Variants in RHOQ observed in about 807,000 individuals in gnomAD.
RHOQ encodes ras homolog family member Q, also known as rho-related GTP-binding protein RhoQ.
RHOQ carries 7 observed loss-of-function variants against 25.8 expected under a neutral mutation model. The ratio of observed to expected loss-of-function variants is 0.27; its 90% CI spans 0.15 to 0.51. The LOEUF is 0.51. RHOQ is among the 20% of genes least tolerant of loss of function. RHOQ has a pLI of 0.97. For missense variants in RHOQ, 165 were observed against 260.6 expected (o/e 0.63, Z 2.53); for synonymous variants, 97 against 98.6 (o/e 0.98, Z 0.10).
chr2:46,581,050 A>C lies in RHOQ; in HGVS notation c.585A>C (p.Gly195=), dbSNP rs1669347882. 3 of 1,573,144 alleles carry C rather than the reference A, an allele frequency of 1.9e-6. No homozygotes were observed. The African/African-American group carries it at 4.1e-5, about 22-fold the overall frequency. Residue 195 remains glycine, a synonymous_variant, in exon 5 of 5, where the codon GGA becomes GGC. Coordinates refer to ENST00000238738, the MANE Select transcript of RHOQ (RefSeq NM_012249.4). ...AACACACTGTAAAAAAAAGAATAGG[A>C]TCAAGATGTATAAACTGTTGTTTAA... The part of the protein sequence containing the change: ...PKKHTVKKRI[G]SRCINCCLIT
At chr2:46,559,947 G>T (rs1430877640) in intron 2 of RHOQ, among the ~76,000 whole-genome samples, 1 of 152,194 alleles carries the variant, frequency 6.6e-6, no homozygotes, top group African/African-American at 2.4e-5. Context: ...ACTGGGCCTG[G>T]TGTCTCCCAT....
chr2:46,580,328 T>C (rs1669308280), intron 4 of RHOQ: 1 of 152,346 alleles, frequency 6.6e-6, no homozygotes, highest in South Asian at 2.1e-4. Context: ...CCTATGGACA[T>C]GATTCATTCT....
In RHOQ at chr2:46,583,454, T is replaced by G. The variant is rs1572764493; in HGVS notation, c.*2371T>G. On this transcript the variant is annotated 3_prime_UTR_variant, in exon 5 of 5. Coordinates refer to ENST00000238738, the MANE Select transcript of RHOQ (RefSeq NM_012249.4). ...GATGGTAAAAATCATGTATATAGAT[T>G]ATCAGAACTCTAAGCAAAGATGACT... 1.3e-5 allele frequency among the ~76,000 whole-genome samples: 2 copies of G among 152,152 alleles called. No homozygotes were observed. The highest frequency in any genetic ancestry group is 3.8e-4 in the East Asian group (2 of 5,202).
intron 2 of RHOQ, among the ~76,000 whole-genome samples, chr2:46,561,489 A>G (rs1361726693): frequency 6.6e-6 from 1 of 152,178 alleles, no homozygotes; most frequent in African/African-American, 2.4e-5. Context: ...AGGTGGGAAG[A>G]GGAGTTTGAT....
intron 2 of RHOQ, among the ~76,000 whole-genome samples, chr2:46,551,511 A>G (rs1320257538): frequency 6.6e-6 from 1 of 152,210 alleles, no homozygotes; most frequent in East Asian, 1.9e-4. Context: ...TGGACCCCAG[A>G]TCCCTGCTAT....
intron 2 of RHOQ, among the ~76,000 whole-genome samples, chr2:46,561,315 T>C (rs1668571168): frequency 6.6e-6 from 1 of 151,714 alleles, no homozygotes; most frequent in Admixed American, 6.6e-5. Context: ...GTGTGTATGG[T>C]TTGGGGTGGC....
At chr2:46,550,655 G>C (rs1172964457) in intron 2 of RHOQ, among the ~76,000 whole-genome samples, 1 of 152,238 alleles carries the variant, frequency 6.6e-6, no homozygotes, top group Non-Finnish European at 1.5e-5. Context: ...TGAGACATCG[G>C]CCAGCCGGCT....
chr2:46,545,228 G>T (rs1460258566), intron 2 of RHOQ, among the ~76,000 whole-genome samples: 1 of 152,126 alleles, frequency 6.6e-6, no homozygotes, highest in Non-Finnish European at 1.5e-5. Flanking sequence ...GGAGGGCAAG[G>T]GGCAGAGCTT....
intron 2 of RHOQ, among the ~76,000 whole-genome samples, chr2:46,570,372 A>G (rs958507557): frequency 6.6e-6 from 1 of 152,122 alleles, no homozygotes; most frequent in Non-Finnish European, 1.5e-5. Flanking sequence ...TCCGGGAGGC[A>G]GAGGTGGCAG....
rs576542090 is a variant in RHOQ at position 46,569,230 on chromosome 2, A to G, written c.202-6857A>G. 1 of 152,350 alleles carries G rather than the reference A, an allele frequency of 6.6e-6. No individual in the cohort carries two copies. The highest frequency in any genetic ancestry group is 2.1e-4 in the South Asian group (1 of 4,830). The allele number at this position is 152,350 out of a possible 1,614,324, so 9.4% of individuals were successfully genotyped here. A position where few individuals can be genotyped will look rare whatever the true frequency, so the allele number is the denominator to read the frequency against. On this transcript the variant is annotated intron_variant, in intron 2 of 4. Coordinates refer to ENST00000238738, the MANE Select transcript of RHOQ (RefSeq NM_012249.4). This position sits in a 1 kb window ranked among gnomAD's most constrained non-coding sequence, Gnocchi z 4.1. ...TTTATTCTCCCTTCACAGATGGGGA[A>G]GTGAAGCTTGCCTGAGGGCTGTATT...
At chr2:46,575,502 A>AG (rs1291493252) in intron 2 of RHOQ, among the ~76,000 whole-genome samples, 2 of 152,000 alleles carry the variant, frequency 1.3e-5, no homozygotes. Flanking sequence ...GAAGCTGTAT[A>AG]GTGGTTAAGA....
At chr2:46,563,663 T>A (rs999611868) in intron 2 of RHOQ, among the ~76,000 whole-genome samples, 5 of 152,162 alleles carry the variant, frequency 3.3e-5, no homozygotes, top group Non-Finnish European at 7.3e-5. Flanking sequence ...CTCCAGGGAC[T>A]TCTTGCAGGG....
chr2:46,546,196 G>A (rs1362011341), intron 2 of RHOQ, among the ~76,000 whole-genome samples: 3 of 151,660 alleles, frequency 2.0e-5, no homozygotes, highest in Non-Finnish European at 2.9e-5. Flanking sequence ...CCTGGGGAGT[G>A]CAAAGGAATG....
chr2:46,546,469 T>C (rs1190680613), intron 2 of RHOQ, among the ~76,000 whole-genome samples: 1 of 9,558 alleles, frequency 1.0e-4, no homozygotes, highest in Non-Finnish European at 2.4e-4. Context: ...TATATATATA[T>C]ATATGTGTAT....
At position 46,576,499 on chromosome 2, in the gene RHOQ, T is replaced by C; in HGVS notation, c.367-62T>C. On this transcript the variant is annotated intron_variant, in intron 3 of 4. Coordinates refer to ENST00000238738, the MANE Select transcript of RHOQ (RefSeq NM_012249.4). This position sits in a 1 kb window ranked among gnomAD's most constrained non-coding sequence, Gnocchi z 5.1. ...TATGTGGGAATTAAGTGGGATTACATGCTTTGATTTTTCTTTAAAGATTTG... is the reference window on the plus strand; with the variant it reads ...TATGTGGGAATTAAGTGGGATTACACGCTTTGATTTTTCTTTAAAGATTTG... The C allele has an allele frequency of 9.2e-7, 1 of 1,082,826 alleles. No individual in the cohort carries two copies. The highest frequency in any genetic ancestry group is 2.3e-5 in the Admixed American group (1 of 43,916). 67.1% of individuals were successfully genotyped at this position (1,082,826 alleles called of 1,614,324 possible).
intron 2 of RHOQ, among the ~76,000 whole-genome samples, chr2:46,546,843 G>A (rs910235363): frequency 9.2e-5 from 14 of 152,052 alleles, no homozygotes; most frequent in African/African-American, 2.9e-4. Context: ...GAAGAGAACA[G>A]TATATTGTGC....
rs1465814876 is a variant in RHOQ at position 46,556,745 on chromosome 2, G to C, written c.201+12933G>C. Among the ~76,000 whole-genome samples, 1 of 152,168 alleles carries C rather than the reference G, an allele frequency of 6.6e-6. No homozygotes were observed. Among genetic ancestry groups the C allele is most frequent in the Admixed American group, 6.5e-5 (1 of 15,280 alleles). ...CCAGAATGCAAGTAGAAAATGGGAT[G>C]TGCATATAAATCATGAAATGTGAGT... On this transcript the variant is annotated intron_variant, in intron 2 of 4. Transcript: ENST00000238738. The surrounding 1 kb of genome is among the most constrained non-coding windows in gnomAD (Gnocchi z 4.9).
At chr2:46,543,223 C>A (rs756517021) in intron 1 of RHOQ, 35 bp downstream of exon 1, 4 of 1,609,016 alleles carry the variant, frequency 2.5e-6, no homozygotes, top group African/African-American at 2.7e-5. Flanking sequence ...GGGGCCGCTC[C>A]CCGGGCCGGG....
chr2:46,554,934 A>G (rs1668365566), intron 2 of RHOQ, among the ~76,000 whole-genome samples: 1 of 152,090 alleles, frequency 6.6e-6, no homozygotes, highest in Non-Finnish European at 1.5e-5. Context: ...TTGAGCATCC[A>G]GTTCAATTAA....
Sources: gnomAD v4.1 joint callset for allele counts (sites outside exome capture counted in the v4.1 genomes callset) on GRCh38, gnomAD v4.1.1 for gene constraint, Gnocchi (gnomAD v3.1) non-coding constraint, MANE v1.5 for transcripts, NCBI Gene and HGNC (gene_info 2026-07-23, HGNC 2026-07-21) for gene names.